CRB1: variants seen among roughly 807,000 people sequenced by gnomAD.
CRB1 encodes the protein crumbs cell polarity complex component 1.
A neutral mutation model predicts 120.0 loss-of-function variants in CRB1; 83 were observed. The observed-to-expected ratio is 0.69, with a 90% CI of 0.58 to 0.83. The LOEUF (loss-of-function observed/expected upper bound fraction) is 0.83, where lower values mean the gene tolerates loss of function less well. Ranked by LOEUF, CRB1 falls within the 40% of genes least tolerant of loss-of-function variation. The pLI, the probability that CRB1 is intolerant of heterozygous loss-of-function variation, is 0.00. For synonymous variants in CRB1, 625 were observed against 612.5 expected (o/e 1.02, Z -0.30); for missense variants, 1,699 against 1,687.6 (o/e 1.01, Z -0.12).
chr1:197,268,565 G>A, intron 1 of CRB1, 83 bp downstream of exon 1: 5 of 1,077,782 alleles, frequency 4.6e-6, no homozygotes, highest in South Asian at 1.3e-5. Context: ...AATGTTGCAT[G>A]TTCTATAAAA....
At chr1:197,362,190 T>A (rs1230580758) in intron 5 of CRB1, among the ~76,000 whole-genome samples, 1 of 152,156 alleles carries the variant, frequency 6.6e-6, no homozygotes, top group Non-Finnish European at 1.5e-5. Context: ...GATGCCATTA[T>A]GATTAGAGAA....
In CRB1 at chr1:197,268,443, A is replaced by T. The variant is rs770876906; in HGVS notation, c.31A>T (p.Ile11Phe). The T allele has an allele frequency of 6.2e-7, 1 of 1,613,018 alleles. No homozygotes were observed. The highest frequency in any genetic ancestry group is 1.1e-5 in the South Asian group (1 of 91,068). ...ACTTAAGAACATTAACTACCTTCTCATCTTCTACCTCAGTTTCTCACTGCT... is the reference window on the plus strand; with the variant it reads ...ACTTAAGAACATTAACTACCTTCTCTTCTTCTACCTCAGTTTCTCACTGCT... MALKNINYLL[I>F]FYLSFSLLIY... Residue 11 changes from isoleucine to phenylalanine, a missense_variant, in exon 1 of 12, where the codon ATC becomes TTC. Coordinates refer to ENST00000367400, the MANE Select transcript of CRB1 (RefSeq NM_201253.3).
chr1:197,261,554 A>G, the CRB1 span, among the ~76,000 whole-genome samples: 1 of 152,234 alleles, frequency 6.6e-6, no homozygotes, highest in East Asian at 1.9e-4. Flanking sequence ...GTCTCTATTC[A>G]TCTATCCATC....
At chr1:197,354,534 T>C (rs939882991) in intron 4 of CRB1, among the ~76,000 whole-genome samples, 1 of 152,080 alleles carries the variant, frequency 6.6e-6, no homozygotes, top group African/African-American at 2.4e-5. Context: ...CCGCAGACCT[T>C]TGCAGTGAGT....
chr1:197,218,314 G>C, the CRB1 span, among the ~76,000 whole-genome samples: 1 of 152,132 alleles, frequency 6.6e-6, no homozygotes, highest in East Asian at 1.9e-4. Flanking sequence ...GTTATACAAA[G>C]CAACCTTGAG....
chr1:197,300,199 G>A (rs1656783719), intron 1 of CRB1, among the ~76,000 whole-genome samples: 1 of 151,718 alleles, frequency 6.6e-6, no homozygotes, highest in South Asian at 2.1e-4. Context: ...TGAAAGTAAG[G>A]GTCACCCAAC....
At chr1:197,228,723 T>C in the CRB1 span, among the ~76,000 whole-genome samples, 1 of 152,196 alleles carries the variant, frequency 6.6e-6, no homozygotes, top group Non-Finnish European at 1.5e-5. Flanking sequence ...CGCCCTGCTC[T>C]ACTGGTACCA....
chr1:197,392,386 T>G (rs1217315338), intron 5 of CRB1, among the ~76,000 whole-genome samples: 1 of 152,124 alleles, frequency 6.6e-6, no homozygotes, highest in East Asian at 1.9e-4. Flanking sequence ...AACAGGATCA[T>G]AATTATAGAC....
chr1:197,263,412 G>A (rs1400300018), upstream of CRB1, among the ~76,000 whole-genome samples: 1 of 152,006 alleles, frequency 6.6e-6, no homozygotes, highest in Non-Finnish European at 1.5e-5. Context: ...GTTCCTTATA[G>A]ATTCTGGATG....
chr1:197,280,135 G>A (rs1052536196), intron 1 of CRB1, among the ~76,000 whole-genome samples: 6 of 151,750 alleles, frequency 4.0e-5, no homozygotes, highest in African/African-American at 1.5e-4. Flanking sequence ...GGAAATACCA[G>A]CGTCACCATT....
chr1:197,418,964 C>T (rs1156846134), intron 5 of CRB1, among the ~76,000 whole-genome samples: 1 of 152,138 alleles, frequency 6.6e-6, no homozygotes, highest in Non-Finnish European at 1.5e-5. Flanking sequence ...GACTACAGTA[C>T]TATTTGAATT....
At chr1:197,288,948 G>A (rs1016264677) in intron 1 of CRB1, among the ~76,000 whole-genome samples, 7 of 149,730 alleles carry the variant, frequency 4.7e-5, no homozygotes, top group African/African-American at 1.7e-4. Context: ...CTCTAAAAAG[G>A]ATGAAAACTA....
chr1:197,376,928 T>TG (rs1661679714), intron 5 of CRB1, among the ~76,000 whole-genome samples: 1 of 152,150 alleles, frequency 6.6e-6, no homozygotes, highest in African/African-American at 2.4e-5. Context: ...GTAGCTAGGC[T>TG]GGGGGTCTTA....
the CRB1 span, among the ~76,000 whole-genome samples, chr1:197,247,586 G>A: frequency 6.6e-6 from 1 of 152,016 alleles, no homozygotes; most frequent in Non-Finnish European, 1.5e-5. Context: ...ACTTTCATTT[G>A]CACTGACAAG....
At chr1:197,294,315 AT>A (rs776292275) in intron 1 of CRB1, among the ~76,000 whole-genome samples, 160 of 152,316 alleles carry the variant, frequency 1.1e-3, no homozygotes, top group Non-Finnish European at 5.4e-4. Context: ...ACGAAAAAAA[AT>A]ATTCATCATC....
chr1:197,314,268 A>T (rs1394140771), intron 1 of CRB1, among the ~76,000 whole-genome samples: 6 of 152,312 alleles, frequency 3.9e-5, no homozygotes, highest in African/African-American at 9.6e-5. Flanking sequence ...GTCTTCAGAT[A>T]TGTGAATCCT....
intron 5 of CRB1, among the ~76,000 whole-genome samples, chr1:197,380,259 A>G (rs1450272834): frequency 1.3e-5 from 2 of 152,144 alleles, no homozygotes; most frequent in Admixed American, 6.5e-5. Flanking sequence ...AGGGCTTCAA[A>G]ATTTATCTAT....
intron 1 of CRB1, among the ~76,000 whole-genome samples, chr1:197,294,239 A>T (rs2125243037): frequency 6.6e-6 from 1 of 152,320 alleles, no homozygotes; most frequent in African/African-American, 2.4e-5. Context: ...CAACCCCATC[A>T]AAAAGTGGGC....
intron 6 of CRB1, 70 bp from the exon 7 acceptor site, chr1:197,427,384 A>C: frequency 7.0e-7 from 1 of 1,429,746 alleles, no homozygotes; most frequent in East Asian, 2.3e-5. Context: ...TTCGTCTTCC[A>C]TCCCTTCTGT....
Sources: gnomAD v4.1 joint callset for allele counts (sites outside exome capture counted in the v4.1 genomes callset) on GRCh38, gnomAD v4.1.1 for gene constraint, MANE v1.5 for transcripts, NCBI Gene and HGNC (gene_info 2026-07-23, HGNC 2026-07-21) for gene names.